TVP23A: variants seen among roughly 807,000 people sequenced by gnomAD.
The protein encoded by TVP23A is Golgi apparatus membrane protein TVP23 homolog A.
In TVP23A, 21 loss-of-function variants were observed where a neutral mutation model predicts 31.7. That is an observed-to-expected ratio of 0.66 (90% CI 0.47 to 0.95). The LOEUF (loss-of-function observed/expected upper bound fraction) is 0.95. Among genes scored for constraint, TVP23A ranks in the 40% least tolerant of loss-of-function variants. The pLI is 0.00. For missense variants in TVP23A, 279 were observed against 255.6 expected (o/e 1.09, Z -0.62); for synonymous variants, 104 against 96.0 (o/e 1.08, Z -0.49).
downstream of TVP23A, among the ~76,000 whole-genome samples, chr16:10,764,407 T>A (rs1020719494): frequency 7.7e-6 from 1 of 129,744 alleles, no homozygotes; most frequent in Non-Finnish European, 1.6e-5. Flanking sequence ...GCTGGAGTAT[T>A]TGTCTATTGG....
intron 3 of TVP23A, among the ~76,000 whole-genome samples, chr16:10,774,474 G>T (rs939808254): frequency 6.6e-6 from 1 of 151,982 alleles, no homozygotes; most frequent in Non-Finnish European, 1.5e-5. Flanking sequence ...GTGTTGTGGG[G>T]GAGACCGGGT....
In TVP23A at chr16:10,808,753, G is replaced by C. The variant is rs543944371; in HGVS notation, c.89+9350C>G. On this transcript the variant is annotated intron_variant, in intron 2 of 7. Transcript: ENST00000299866. ...GATTACACCACTGCACTCCAGCCTG[G>C]GCAACAGAACAAGATCTTATCCCCC... 2.9e-5 allele frequency: 8 copies of C among 280,200 alleles called. No individual in the cohort carries two copies. In the East Asian group the frequency reaches 7.7e-4, roughly 27 times the overall value. The allele number at this position is 280,200 out of a possible 1,614,324, so 17.4% of individuals were successfully genotyped here.
At chr16:10,815,941 G>C (rs556068318) in intron 2 of TVP23A, among the ~76,000 whole-genome samples, 2 of 148,518 alleles carry the variant, frequency 1.3e-5, no homozygotes, top group African/African-American at 5.2e-5. Flanking sequence ...CCAGGTCCTG[G>C]ATGGGTGCAG....
chr16:10,782,338 C>A (rs566865772), intron 2 of TVP23A, among the ~76,000 whole-genome samples: 1 of 152,166 alleles, frequency 6.6e-6, no homozygotes, highest in Non-Finnish European at 1.5e-5. Flanking sequence ...GCAGTCAGCT[C>A]CTCTCTTGCT....
intron 2 of TVP23A, among the ~76,000 whole-genome samples, chr16:10,783,986 A>G (rs909310186): frequency 1.3e-5 from 2 of 151,838 alleles, no homozygotes; most frequent in Non-Finnish European, 2.9e-5. Flanking sequence ...CTGGGAAACT[A>G]CTCTGTATGA....
chr16:10,794,242 G>A (rs1266134693), intron 2 of TVP23A, among the ~76,000 whole-genome samples: 1 of 152,204 alleles, frequency 6.6e-6, no homozygotes, highest in Admixed American at 6.5e-5. Flanking sequence ...GCATTTTACA[G>A]GGGACAAATA....
intron 7 of TVP23A, 69 bp downstream of exon 7, chr16:10,770,203 G>A (rs951293903): frequency 4.4e-5 from 68 of 1,537,596 alleles, no homozygotes; most frequent in East Asian, 1.2e-4. Context: ...CCGGGCCCCT[G>A]TGCCCCAAGA....
rs1567289705 is a variant in TVP23A, at chr16:10,783,562, G to C, written c.90-8466C>G. Reference sequence around the variant, plus strand: ...GTGGTGGCGCGTACCTGTAGTCCCAGCTGCCGGAGAGGCTGAGGCATGAGA... The same window carrying C: ...GTGGTGGCGCGTACCTGTAGTCCCACCTGCCGGAGAGGCTGAGGCATGAGA... On this transcript the variant is annotated intron_variant, in intron 2 of 7. Transcript: ENST00000299866. 2.6e-5 allele frequency among the ~76,000 whole-genome samples: 4 copies of C among 152,106 alleles called. No individual in the cohort carries two copies. In the South Asian group the frequency reaches 8.3e-4, roughly 31 times the overall value.
In TVP23A at chr16:10,815,286, C is replaced by T. The variant is rs114872992; in HGVS notation, c.89+2817G>A. Among the ~76,000 whole-genome samples the T allele has an allele frequency of 3.3e-3, 509 of 152,248 alleles. 1 individual carries two copies. Among genetic ancestry groups the T allele is most frequent in the African/African-American group, 0.012 (491 of 41,542 alleles). ...AATCAGCCAAGCGTGGTGGCGTGCA[C>T]CTGCAGTCCCAGCTACTTGGGAGAC... On this transcript the variant is annotated intron_variant, in intron 2 of 7. Transcript: ENST00000299866.
intron 2 of TVP23A, among the ~76,000 whole-genome samples, chr16:10,787,761 C>T (rs2142978444): frequency 6.6e-6 from 1 of 152,202 alleles, no homozygotes; most frequent in Non-Finnish European, 1.5e-5. Context: ...TAAACCTCCC[C>T]TCCTAAATTC....
At chr16:10,774,605 T>TC in intron 3 of TVP23A, among the ~76,000 whole-genome samples, 1 of 146,408 alleles carries the variant, frequency 6.8e-6, no homozygotes, top group Admixed American at 6.8e-5. Context: ...TCATTCTCTC[T>TC]CTTTTTTTTT....
chr16:10,787,257 T>C (rs1225724297), intron 2 of TVP23A, among the ~76,000 whole-genome samples: 3 of 152,204 alleles, frequency 2.0e-5, no homozygotes, highest in Middle Eastern at 3.4e-3. Flanking sequence ...GATATGAGAG[T>C]CCTCTGTAAG....
Position 10,767,877 on chromosome 16 carries a change from G to A in TVP23A, c.*1225C>T. On this transcript the variant is annotated 3_prime_UTR_variant, in exon 8 of 8. Coordinates refer to ENST00000299866, the MANE Select transcript of TVP23A (RefSeq NM_001079512.4). This position sits in a 1 kb window ranked among gnomAD's most constrained non-coding sequence, Gnocchi z 4.6. ...CTTCCCATTGTCACCAGCACGGAAA[G>A]AGCCCCAAGATCTTGTGGCCATTCT... The A allele has an allele frequency of 1.4e-6, 2 of 1,379,484 alleles. No individual in the cohort carries two copies. The highest frequency in any genetic ancestry group is 2.3e-5 in the South Asian group (2 of 86,102). The allele number at this position is 1,379,484 out of a possible 1,614,324, so 85.5% of individuals were successfully genotyped here. A position where few individuals can be genotyped will look rare whatever the true frequency, so the allele number is the denominator to read the frequency against.
intron 2 of TVP23A, among the ~76,000 whole-genome samples, chr16:10,776,403 C>G (rs2032023941): frequency 6.6e-6 from 1 of 152,032 alleles, no homozygotes; most frequent in African/African-American, 2.4e-5. Flanking sequence ...AAAATAAAAA[C>G]AAGAAAAGAA....
At chr16:10,786,447 T>C (rs2032757220) in intron 2 of TVP23A, among the ~76,000 whole-genome samples, 2 of 151,274 alleles carry the variant, frequency 1.3e-5, no homozygotes, top group South Asian at 4.2e-4. Context: ...AAAAAAAAAA[T>C]ACCCTTTACT....
At chr16:10,791,824 C>G (rs2033119816) in intron 2 of TVP23A, among the ~76,000 whole-genome samples, 1 of 152,170 alleles carries the variant, frequency 6.6e-6, no homozygotes, top group South Asian at 2.1e-4. Flanking sequence ...ACTGTGTTAG[C>G]CAAGATGGTC....
intron 2 of TVP23A, 179 bp from the exon 3 acceptor site, chr16:10,775,275 T>A: frequency 2.8e-6 from 4 of 1,425,544 alleles, no homozygotes; most frequent in Non-Finnish European, 2.7e-6. Context: ...AGGTCAGCAG[T>A]CCCCAGACAG....
downstream of TVP23A, chr16:10,757,810 AG>A (rs1260415670): frequency 6.4e-7 from 1 of 1,553,470 alleles, no homozygotes; most frequent in Non-Finnish European, 8.8e-7. This position sits in a 1 kb window ranked among gnomAD's most constrained non-coding sequence, Gnocchi z 4.1. Flanking sequence ...AAAAAAAAAG[AG>A]GGAGTTGAAA....
chr16:10,790,279 A>ATTT lies in TVP23A; in HGVS notation c.90-15186_90-15184dup, dbSNP rs376916439. The stretch of plus-strand genomic sequence containing the variant: ...ACAAAGAAACATGTCTTGGGGTAAA[A>ATTT]TTTTTTTTTTTTTTTTTTTTTTTGA... On this transcript the variant is annotated intron_variant, in intron 2 of 7. Transcript: ENST00000299866. Among the ~76,000 whole-genome samples the ATTT allele has an allele frequency of 3.4e-3, 389 of 114,472 alleles. 1 individual carries two copies. Among genetic ancestry groups the ATTT allele is most frequent in the East Asian group, 6.3e-3 (24 of 3,834 alleles). The allele number at this position is 114,472 out of a possible 152,430, so 75.1% of individuals were successfully genotyped here.
Sources: allele counts gnomAD v4.1 joint callset (sites outside exome capture counted in the v4.1 genomes callset), GRCh38; gene constraint gnomAD v4.1.1; non-coding constraint Gnocchi (gnomAD v3.1); transcripts MANE v1.5; gene names NCBI Gene and HGNC (gene_info 2026-07-23, HGNC 2026-07-21).